The following PRPS2 variants were observed in gnomAD, a reference collection of about 807,000 sequenced individuals.
PRPS2 encodes the protein phosphoribosyl pyrophosphate synthetase 2.
For synonymous variants in PRPS2, 111 were observed against 115.3 expected (o/e 0.96, Z 0.24); for missense variants, 104 against 271.5 (o/e 0.38, Z 4.34).
rs772473917 is a variant in PRPS2 at position 12,799,276 on chromosome X, C to T, written c.192C>T (p.Asn64=). ...YIIQSGCGEI[N]DNLMELLIMI... ...TCCAGAGCGGCTGCGGGGAAATTAA[C>T]GACAACCTGATGGAACTCCTCATCA... Residue 64 remains asparagine, a synonymous_variant, in exon 2 of 7, where the codon AAC becomes AAT. Coordinates refer to ENST00000380668, the MANE Select transcript of PRPS2 (RefSeq NM_002765.5). 4.1e-6 allele frequency: 5 copies of T among 1,211,458 alleles called. No homozygotes were observed. Among genetic ancestry groups the T allele is most frequent in the East Asian group, 5.9e-5 (2 of 33,838 alleles).
At position 12,791,447 on chromosome X, in the gene PRPS2, C is replaced by G. The variant is rs775520287; in HGVS notation, c.-51C>G. ...CCTCCCGCGTCGCTGTCGCTGTTGC[C>G]TCCGCCACCTCCTCCGCCGCCGCGC... On this transcript the variant is annotated 5_prime_UTR_variant, in exon 1 of 7. Coordinates refer to ENST00000380668, the MANE Select transcript of PRPS2 (RefSeq NM_002765.5). 2.4e-5 allele frequency: 28 copies of G among 1,174,907 alleles called. No individual in the cohort carries two copies. Among genetic ancestry groups the G allele is most frequent in the Non-Finnish European group, 3.2e-5 (28 of 876,855 alleles).
In PRPS2 at chrX:12,810,161, A is replaced by G. The variant is rs1448099041; in HGVS notation, c.530+15A>G. The stretch of plus-strand genomic sequence containing the variant: ...GGAGCCAAAAGGTATCATGCAGGCT[A>G]CACCTTGCAGATTTCTCCATCTGCT... On this transcript the variant is annotated intron_variant, in intron 4 of 6. Transcript: ENST00000380668. 22 of 1,207,979 alleles carry G rather than the reference A, an allele frequency of 1.8e-5. No homozygotes were observed. The highest frequency in any genetic ancestry group is 2.5e-5 in the Non-Finnish European group (22 of 893,996).
chrX:12,815,855 C>T (rs1364289533), intron 4 of PRPS2, among the ~76,000 whole-genome samples: 3 of 109,308 alleles, frequency 2.7e-5, no homozygotes, highest in Non-Finnish European at 5.7e-5. Flanking sequence ...GTTGGCCAGG[C>T]TCATCTTGAA....
chrX:12,807,936 C>T (rs542749753), intron 2 of PRPS2, among the ~76,000 whole-genome samples: 7 of 99,676 alleles, frequency 7.0e-5, no homozygotes, highest in Non-Finnish European at 9.9e-5. Flanking sequence ...AGTGCCATCT[C>T]GGCTCACTGC....
At chrX:12,815,482 G>A (rs2042643064) in intron 4 of PRPS2, among the ~76,000 whole-genome samples, 2 of 111,834 alleles carry the variant, frequency 1.8e-5, no homozygotes, top group African/African-American at 6.5e-5. Context: ...CTGCCTAGTC[G>A]TTACCAAATA....
chrX:12,810,619 G>C (rs2042618799), intron 4 of PRPS2, among the ~76,000 whole-genome samples: 1 of 111,254 alleles, frequency 9.0e-6, no homozygotes, highest in South Asian at 3.8e-4. Flanking sequence ...CAGGTGGCTT[G>C]GGGGATGGGC....
chrX:12,798,218 T>G (rs1055412931), intron 1 of PRPS2, among the ~76,000 whole-genome samples: 8 of 112,566 alleles, frequency 7.1e-5, no homozygotes, highest in African/African-American at 2.6e-4. Context: ...AAGATGTGCA[T>G]AAAAAGAAAA....
chrX:12,807,981 C>T (rs2147219144), intron 2 of PRPS2, among the ~76,000 whole-genome samples: 1 of 107,139 alleles, frequency 9.3e-6, no homozygotes, highest in South Asian at 4.3e-4. Context: ...AATTCTCCTG[C>T]CTCAGCCTCC....
At chrX:12,817,468 TA>T (rs765566895) in intron 4 of PRPS2, among the ~76,000 whole-genome samples, 1,966 of 67,198 alleles carry the variant, frequency 0.029, 30 homozygotes, top group African/African-American at 0.062. Context: ...ATGTTCCTCA[TA>T]AAAAAAAAAA....
chrX:12,804,835 G>A (rs1258978871), intron 2 of PRPS2, among the ~76,000 whole-genome samples: 1 of 111,599 alleles, frequency 9.0e-6, no homozygotes, highest in Non-Finnish European at 1.9e-5. Flanking sequence ...CGCAGGAGGA[G>A]CTCTGGGCAG....
At chrX:12,809,411 G>C (rs2042611449) in intron 3 of PRPS2, 79 bp downstream of exon 3, 1 of 969,206 alleles carries the variant, frequency 1.0e-6, no homozygotes. Flanking sequence ...ACTTGTGTTT[G>C]AGTTTATATA....
In PRPS2 at chrX:12,820,907, T is replaced by G. The variant is rs775272900; in HGVS notation, c.864+104T>G. 8 of 914,878 alleles carry G rather than the reference T, an allele frequency of 8.7e-6. No homozygotes were observed. In the Admixed American group the frequency reaches 1.8e-4, roughly 21 times the overall value. 75.4% of individuals were successfully genotyped at this position (914,878 alleles called of 1,213,427 possible). On this transcript the variant is annotated intron_variant, in intron 6 of 6. Coordinates refer to ENST00000380668, the MANE Select transcript of PRPS2 (RefSeq NM_002765.5). ...GTGTGTGGCTCCTTGCTAAGGCACA[T>G]GCTTGGCAGAGGCGGCAGCTTCTCA...
chrX:12,800,087 G>A (rs1206151401), intron 2 of PRPS2, among the ~76,000 whole-genome samples: 3 of 112,175 alleles, frequency 2.7e-5, no homozygotes, highest in Non-Finnish European at 3.8e-5. Flanking sequence ...GAAGGAGATT[G>A]TATTAGTTTT....
intron 1 of PRPS2, among the ~76,000 whole-genome samples, chrX:12,797,518 T>G (rs2042550486): frequency 8.9e-6 from 1 of 111,944 alleles, no homozygotes; most frequent in African/African-American, 3.3e-5. Flanking sequence ...TGTGTATGTT[T>G]GTGTATTTCT....
chrX:12,796,852 A>ACT (rs2042546454), intron 1 of PRPS2, among the ~76,000 whole-genome samples: 1 of 34,241 alleles, frequency 2.9e-5, no homozygotes, highest in African/African-American at 1.2e-4. Flanking sequence ...AGTATTTCAG[A>ACT]TTTTTTTTTT....
chrX:12,799,216 T>G lies in PRPS2; in HGVS notation c.132T>G (p.Ile44Met). ...KFSNQETSVEIGESVRGEDVY... is the reference protein window; with the variant it reads ...KFSNQETSVEMGESVRGEDVY... ...AGTTTTCTTTTCCTAGCGTGGAGAT[T>G]GGTGAAAGCGTGAGAGGGGAAGATG... The change falls in exon 2 of 7, where the codon ATT becomes ATG. Residue 44 changes from isoleucine to methionine, a missense_variant. By Grantham distance (10) the Ile-to-Met change is conservative. Transcript: ENST00000380668. 8.3e-7 allele frequency: 1 copy of G among 1,209,898 alleles called. No homozygotes were observed. Among genetic ancestry groups the G allele is most frequent in the Non-Finnish European group, 1.1e-6 (1 of 894,629 alleles).
At chrX:12,792,277 G>A (rs968813322) in intron 1 of PRPS2, among the ~76,000 whole-genome samples, 3 of 112,255 alleles carry the variant, frequency 2.7e-5, no homozygotes, top group Non-Finnish European at 5.6e-5. Flanking sequence ...TTATCCAGAG[G>A]GTGCAGTTGT....
At chrX:12,804,182 C>G (rs970044074) in intron 2 of PRPS2, among the ~76,000 whole-genome samples, 9 of 109,187 alleles carry the variant, frequency 8.2e-5, no homozygotes, top group African/African-American at 2.7e-4. Context: ...CGCTCTGTCA[C>G]CCAGGCTGGA....
chrX:12,820,550 C>T (rs1602417745), intron 5 of PRPS2, 94 bp from the exon 6 acceptor site: 2 of 940,641 alleles, frequency 2.1e-6, no homozygotes, highest in South Asian at 2.7e-5. Flanking sequence ...TTTTCTTTTA[C>T]GGAGCACACT....
Sources: gnomAD v4.1 joint callset for allele counts (sites outside exome capture counted in the v4.1 genomes callset) on GRCh38, gnomAD v4.1.1 for gene constraint, MANE v1.5 for transcripts, NCBI Gene and HGNC (gene_info 2026-07-23, HGNC 2026-07-21) for gene names.